Variants in TMEM131 observed in about 807,000 individuals in gnomAD.
TMEM131 encodes transmembrane protein 131.
A neutral mutation model predicts 211.6 loss-of-function variants in TMEM131; 66 were observed. The observed-to-expected ratio is 0.31, with a 90% CI of 0.26 to 0.38. The LOEUF (loss-of-function observed/expected upper bound fraction) is 0.38, where lower values mean the gene tolerates loss of function less well. TMEM131 is among the 10% of genes least tolerant of loss of function. The probability of loss-of-function intolerance (pLI) is 1.00; values close to 1 mark genes in which losing one functional copy is unlikely to be tolerated. For synonymous variants in TMEM131, 844 were observed against 841.3 expected (o/e 1.00, Z -0.06); for missense variants, 2,036 against 2,299.3 (o/e 0.89, Z 2.34).
At chr2:97,768,052 A>G (rs1028313153) in intron 33 of TMEM131, among the ~76,000 whole-genome samples, 4 of 140,382 alleles carry the variant, frequency 2.8e-5, no homozygotes, top group African/African-American at 1.0e-4. Context: ...ATAAGGTGGT[A>G]GGGTCAAAGG....
chr2:97,763,738 G>C (rs926485832), intron 35 of TMEM131: 1 of 152,390 alleles, frequency 6.6e-6, no homozygotes, highest in Non-Finnish European at 1.5e-5. Context: ...GTGTGCGCTC[G>C]ATCCTCCCGA....
chr2:97,948,823 A>G (rs946942064), intron 1 of TMEM131, among the ~76,000 whole-genome samples: 6 of 151,940 alleles, frequency 3.9e-5, no homozygotes, highest in African/African-American at 1.5e-4. Flanking sequence ...ACGCCCGGCT[A>G]ATTTTTTGTA....
At chr2:97,841,030 T>C (rs562829466) in intron 7 of TMEM131, among the ~76,000 whole-genome samples, 60 of 152,346 alleles carry the variant, frequency 3.9e-4, no homozygotes, top group South Asian at 8.3e-4. Flanking sequence ...TATAGTATTT[T>C]TCCTCCACCT....
At chr2:97,928,796 T>C (rs1677096057) in intron 1 of TMEM131, among the ~76,000 whole-genome samples, 1 of 151,802 alleles carries the variant, frequency 6.6e-6, no homozygotes, top group East Asian at 1.9e-4. Context: ...GGTGTCTCAC[T>C]GTTGGAAGAG....
At chr2:97,892,720 A>T in intron 3 of TMEM131, among the ~76,000 whole-genome samples, 1 of 152,280 alleles carries the variant, frequency 6.6e-6, no homozygotes, top group African/African-American at 2.4e-5. Flanking sequence ...CCAGTTTGCA[A>T]ATATTTCTAT....
chr2:97,971,861 TA>T (rs1679311017), intron 1 of TMEM131, among the ~76,000 whole-genome samples: 1 of 151,736 alleles, frequency 6.6e-6, no homozygotes, highest in South Asian at 2.1e-4. Context: ...GACCCTGTCT[TA>T]AAAAAATAAG....
chr2:97,924,876 G>A (rs1463863905), intron 2 of TMEM131, among the ~76,000 whole-genome samples: 1 of 152,038 alleles, frequency 6.6e-6, no homozygotes, highest in Non-Finnish European at 1.5e-5. Flanking sequence ...TTGAACTCAG[G>A]GAACACTTTT....
In TMEM131 at chr2:97,995,534, T is replaced by A; in HGVS notation, c.129A>T (p.Leu43=). ...GGGTCATCACCAGGTGCAGCGCGCC[T>A]AGGAGGCCGGCGGCCGCGCTCCGCG... is the stretch of plus-strand genomic sequence containing the variant. ...GGPRSAAAGL[L]GALHLVMTLV... is the part of the protein sequence containing the mutation. Residue 43 remains leucine, a synonymous_variant, in exon 1 of 41, where the codon CTA becomes CTT. Transcript: ENST00000186436. 7.4e-7 allele frequency: 1 copy of A among 1,354,042 alleles called. No individual in the cohort carries two copies. 83.9% of individuals were successfully genotyped at this position (1,354,042 alleles called of 1,614,324 possible).
At chr2:97,912,162 T>C (rs1676317275) in intron 2 of TMEM131, among the ~76,000 whole-genome samples, 1 of 152,048 alleles carries the variant, frequency 6.6e-6, no homozygotes, top group Non-Finnish European at 1.5e-5. Context: ...GATTACAACA[T>C]TAATAACTTT....
In TMEM131 at chr2:97,775,860, C is replaced by T; in HGVS notation, c.4303G>A (p.Glu1435Lys). The T allele has an allele frequency of 3.7e-6, 6 of 1,613,344 alleles. No homozygotes were observed. Among genetic ancestry groups the T allele is most frequent in the Non-Finnish European group, 5.1e-6 (6 of 1,179,692 alleles). ...TTTETSNPDT[E>K]PLLKEDTEKQ... ...GCCCGTACCTCCTTGAGGAGCGGTTCTGTGTCAGGGTTGGAGGTCTCTGTG... is the reference window on the plus strand; with the variant it reads ...GCCCGTACCTCCTTGAGGAGCGGTTTTGTGTCAGGGTTGGAGGTCTCTGTG... Residue 1435 changes from glutamate (E) to lysine (K), a missense_variant, in exon 32 of 41, where the codon GAA becomes AAA. Around this residue, in one of 3 missense-constraint regions of TMEM131, gnomAD observed 1,623 missense variants for 1,805.9 expected, o/e 0.90. Transcript: ENST00000186436.
intron 32 of TMEM131, among the ~76,000 whole-genome samples, chr2:97,775,176 T>G (rs2104814907): frequency 6.6e-6 from 1 of 152,322 alleles, no homozygotes; most frequent in South Asian, 2.1e-4. Context: ...AGCAGTAATC[T>G]GACCCCGTCA....
chr2:97,979,023 T>C (rs1478749605), intron 1 of TMEM131, among the ~76,000 whole-genome samples: 1 of 152,244 alleles, frequency 6.6e-6, no homozygotes, highest in Non-Finnish European at 1.5e-5. Flanking sequence ...GAAAACAACA[T>C]GCAGCTCCTT....
intron 4 of TMEM131, among the ~76,000 whole-genome samples, chr2:97,875,494 A>G (rs538323987): frequency 4.3e-4 from 66 of 152,386 alleles, no homozygotes; most frequent in African/African-American, 1.4e-3. Flanking sequence ...CATATGCAAG[A>G]TAACAGAAAT....
At chr2:97,757,661 A>G (rs1678567459) in intron 40 of TMEM131, among the ~76,000 whole-genome samples, 2 of 152,160 alleles carry the variant, frequency 1.3e-5, no homozygotes, top group Admixed American at 6.5e-5. Flanking sequence ...TCAGCCTCCC[A>G]AAGTGCTGGG....
rs372191653 is a variant in TMEM131 at position 97,984,434 on chromosome 2, T to C, written c.187+11042A>G. Among the ~76,000 whole-genome samples, 16 of 152,146 alleles carry C rather than the reference T, an allele frequency of 1.1e-4. No individual in the cohort carries two copies. The East Asian group carries it at 3.1e-3, about 29-fold the overall frequency. On this transcript the variant is annotated intron_variant, in intron 1 of 40. Transcript: ENST00000186436. ...TAAAGGAGTACTGGAGGCTGGGTAA[T>C]TTATAAAGAAAAGAGGTTTACTTGA...
chr2:97,966,356 C>T (rs1444174513), intron 1 of TMEM131, among the ~76,000 whole-genome samples: 1 of 152,038 alleles, frequency 6.6e-6, no homozygotes, highest in African/African-American at 2.4e-5. Context: ...TTTAAAAGAA[C>T]CCTTTCCTAA....
At chr2:97,946,899 C>T (rs1678069629) in intron 1 of TMEM131, among the ~76,000 whole-genome samples, 1 of 151,176 alleles carries the variant, frequency 6.6e-6, no homozygotes, top group South Asian at 2.1e-4. Context: ...GGATTTATCC[C>T]AGGAATGAAA....
At chr2:97,975,062 C>G (rs747257884) in intron 1 of TMEM131, among the ~76,000 whole-genome samples, 30 of 152,040 alleles carry the variant, frequency 2.0e-4, no homozygotes, top group Non-Finnish European at 3.5e-4. Context: ...TTCAAAGTCA[C>G]AAAACAAGTC....
chr2:97,855,631 C>T (rs1559403891), intron 5 of TMEM131, among the ~76,000 whole-genome samples: 1 of 150,562 alleles, frequency 6.6e-6, no homozygotes, highest in Non-Finnish European at 1.5e-5. Context: ...AACCAGGAGG[C>T]AGAGGTTGCA....
Sources: allele counts gnomAD v4.1 joint callset (sites outside exome capture counted in the v4.1 genomes callset), GRCh38; gene constraint gnomAD v4.1.1; regional missense constraint gnomAD v4.1.1; transcripts MANE v1.5; gene names NCBI Gene and HGNC (gene_info 2026-07-23, HGNC 2026-07-21).